The following SF3B1 variants were observed in gnomAD, a reference collection of about 807,000 sequenced individuals.
SF3B1 encodes the protein pre-mRNA processing 10.
Under a neutral mutation model 153.8 loss-of-function variants are expected in SF3B1, and 12 were observed. The observed-to-expected ratio is 0.08, with a 90% CI of 0.05 to 0.13. The LOEUF (loss-of-function observed/expected upper bound fraction) is 0.13, where lower values mean the gene tolerates loss of function less well. SF3B1 is among the 10% of genes least tolerant of loss of function. The pLI, the probability that SF3B1 is intolerant of heterozygous loss-of-function variation, is 1.00. For synonymous variants in SF3B1, 498 were observed against 525.2 expected, an observed-to-expected ratio of 0.95 and a Z score of 0.71; for missense variants, 513 against 1,606.1, an observed-to-expected ratio of 0.32 and a Z score of 11.63.
At chr2:197,430,213 G>A (rs564313815) in intron 1 of SF3B1, among the ~76,000 whole-genome samples, 2 of 152,298 alleles carry the variant, frequency 1.3e-5, no homozygotes, top group Non-Finnish European at 2.9e-5. Context: ...AAACAGAACA[G>A]TGACTAGATA....
chr2:197,407,880 G>C (rs535792389), intron 9 of SF3B1, 118 bp downstream of exon 9: 1 of 795,804 alleles, frequency 1.3e-6, no homozygotes, highest in African/African-American at 1.7e-5. Flanking sequence ...AAATAGCTAA[G>C]AGAATGGAAT....
At position 197,402,695 on chromosome 2, in the gene SF3B1, G is replaced by T. The variant is rs764390753; in HGVS notation, c.1938C>A (p.Pro646=). The change falls in exon 14 of 25, where the codon CCC becomes CCA. Residue 646 remains proline, a synonymous_variant. Transcript: ENST00000335508. This position sits in a 1 kb window ranked among gnomAD's most constrained non-coding sequence, Gnocchi z 4.6. ...TGCTTTTGCACACAGCTTTTAAGAAGGGCAATAAAGAAGGAATGCCCAGGG... is the reference window on the plus strand; with the variant it reads ...TGCTTTTGCACACAGCTTTTAAGAATGGCAATAAAGAAGGAATGCCCAGGG... ...ASALGIPSLL[P]FLKAVCKSKK... 6.2e-7 allele frequency: 1 copy of T among 1,614,030 alleles called. No individual in the cohort carries two copies. Among genetic ancestry groups the T allele is most frequent in the African/African-American group, 1.3e-5 (1 of 75,020 alleles).
At position 197,402,173 on chromosome 2, in the gene SF3B1, C is replaced by G. The variant is rs199954940; in HGVS notation, c.2078-43G>C. 6.4e-7 allele frequency: 1 copy of G among 1,562,358 alleles called. No homozygotes were observed. Among genetic ancestry groups the G allele is most frequent in the African/African-American group, 1.4e-5 (1 of 72,818 alleles). On this transcript the variant is annotated intron_variant, in intron 14 of 24. Coordinates refer to ENST00000335508, the MANE Select transcript of SF3B1 (RefSeq NM_012433.4). The surrounding 1 kb of genome is among the most constrained non-coding windows in gnomAD (Gnocchi z 4.6). Reference sequence around the variant, plus strand: ...GGTTTTAACTATGCCCCAACATTACCTAAGTTACACAATATCATCCAGATT... The same window carrying G: ...GGTTTTAACTATGCCCCAACATTACGTAAGTTACACAATATCATCCAGATT...
intron 1 of SF3B1, among the ~76,000 whole-genome samples, chr2:197,428,620 G>A (rs550303457): frequency 8.5e-5 from 13 of 152,102 alleles, no homozygotes; most frequent in African/African-American, 2.4e-4. Flanking sequence ...CTGGCTGAGC[G>A]CGGTGGCTCA....
At chr2:197,432,080 C>T (rs948379951) in intron 1 of SF3B1, among the ~76,000 whole-genome samples, 2 of 152,138 alleles carry the variant, frequency 1.3e-5, no homozygotes, top group African/African-American at 4.8e-5. Flanking sequence ...GCTATGATCA[C>T]GCCACTGCAC....
chr2:197,417,564 C>G (rs886762258), intron 5 of SF3B1, among the ~76,000 whole-genome samples: 1 of 144,670 alleles, frequency 6.9e-6, no homozygotes, highest in Non-Finnish European at 1.5e-5. Context: ...ATAACGAAAC[C>G]CCACCTCTAC....
In SF3B1 at chr2:197,396,337, A is replaced by C. The variant is rs1224924732; in HGVS notation, c.3267-9T>G. On this transcript the variant is annotated splice_polypyrimidine_tract_variant and intron_variant, in intron 22 of 24. Coordinates refer to ENST00000335508, the MANE Select transcript of SF3B1 (RefSeq NM_012433.4). ...CCAATACATCATGAGGGCTGAAAAA[A>C]ACAAATGGGTCAACAAGCTGTTACA... is the stretch of plus-strand genomic sequence containing the variant. The C allele has an allele frequency of 2.5e-6, 4 of 1,603,282 alleles. No individual in the cohort carries two copies. The highest frequency in any genetic ancestry group is 3.4e-6 in the Non-Finnish European group (4 of 1,173,352).
At chr2:197,418,735 C>T in intron 4 of SF3B1, 147 bp from the exon 5 acceptor site, 5 of 1,451,102 alleles carry the variant, frequency 3.4e-6, no homozygotes, top group Non-Finnish European at 4.5e-6. Context: ...AATTATACAT[C>T]TTACTTTTTA....
chr2:197,393,023 C>T lies in SF3B1; in HGVS notation c.3705G>A (p.Glu1235=), dbSNP rs1270184045. The T allele has an allele frequency of 6.2e-7, 1 of 1,613,498 alleles. No individual in the cohort carries two copies. The highest frequency in any genetic ancestry group is 2.2e-5 in the East Asian group (1 of 44,890). Residue 1235 remains glutamate (E), a synonymous_variant, in exon 24 of 25, where the codon GAG becomes GAA. Transcript: ENST00000335508. ...HVIQAVMGAL[E]GLRVAIGPCR... ...ATGGTCCAATAGCAACTCTCAGGCC[C>T]TCTAGGGCTCCCATAACTGCCTGAA... is the stretch of plus-strand genomic sequence containing the variant.
At chr2:197,421,394 T>C (rs922497021) in intron 2 of SF3B1, among the ~76,000 whole-genome samples, 1 of 152,214 alleles carries the variant, frequency 6.6e-6, no homozygotes, top group Non-Finnish European at 1.5e-5. Flanking sequence ...AAAGTAGGTA[T>C]GGACTAGAAA....
chr2:197,430,008 T>C (rs923883470), intron 1 of SF3B1, among the ~76,000 whole-genome samples: 2 of 152,106 alleles, frequency 1.3e-5, no homozygotes, highest in African/African-American at 2.4e-5. Flanking sequence ...ACAAAGGTTC[T>C]GCAACAAATG....
intron 1 of SF3B1, among the ~76,000 whole-genome samples, chr2:197,426,671 A>G (rs931331124): frequency 6.6e-6 from 1 of 152,098 alleles, no homozygotes; most frequent in African/African-American, 2.4e-5. Flanking sequence ...CAAAGGTAGA[A>G]CCTTAGGTCT....
chr2:197,401,958 A>T lies in SF3B1; in HGVS notation c.2223+27T>A. On this transcript the variant is annotated intron_variant, in intron 15 of 24. Coordinates refer to ENST00000335508, the MANE Select transcript of SF3B1 (RefSeq NM_012433.4). This position sits in a 1 kb window ranked among gnomAD's most constrained non-coding sequence, Gnocchi z 4.2. Reference sequence around the variant, plus strand: ...ATGTCGCCTTAACTTTAATGAAGATAAATCAAAAGGTAATTGGTGGATTTA... The same window carrying T: ...ATGTCGCCTTAACTTTAATGAAGATTAATCAAAAGGTAATTGGTGGATTTA... 6.2e-7 allele frequency: 1 copy of T among 1,604,934 alleles called. No homozygotes were observed. Among genetic ancestry groups the T allele is most frequent in the Non-Finnish European group, 8.5e-7 (1 of 1,177,628 alleles).
intron 6 of SF3B1, among the ~76,000 whole-genome samples, chr2:197,416,416 A>C (rs902319874): frequency 6.6e-6 from 1 of 151,982 alleles, no homozygotes; most frequent in Non-Finnish European, 1.5e-5. Context: ...GCCTTTAGGG[A>C]GGTAAATTAA....
chr2:197,408,283 CATT>C, intron 8 of SF3B1, 83 bp downstream of exon 8: 7 of 1,363,438 alleles, frequency 5.1e-6, no homozygotes, highest in Non-Finnish European at 7.1e-6. Context: ...TAGAAGTTGA[CATT>C]AATAGTACAC....
chr2:197,433,752 C>T (rs559228780), intron 1 of SF3B1, among the ~76,000 whole-genome samples: 2 of 152,312 alleles, frequency 1.3e-5, no homozygotes, highest in East Asian at 3.9e-4. Context: ...TCTCTACTTG[C>T]ACCCTCTGTT....
intron 9 of SF3B1, 133 bp downstream of exon 9, chr2:197,407,865 C>G: frequency 1.4e-6 from 1 of 714,568 alleles, no homozygotes. Flanking sequence ...CTGAAATATA[C>G]CTGGAAATAG....
chr2:197,409,675 T>C (rs1217471518), intron 7 of SF3B1, 95 bp downstream of exon 7: 10 of 960,180 alleles, frequency 1.0e-5, no homozygotes, highest in Admixed American at 1.9e-5. Flanking sequence ...GCTGGTTATT[T>C]ATACGTGTCC....
At chr2:197,416,667 C>A (rs2085152785) in intron 6 of SF3B1, 74 bp downstream of exon 6, 1 of 1,328,058 alleles carries the variant, frequency 7.5e-7, no homozygotes, top group South Asian at 1.5e-5. Flanking sequence ...GCTATGGCAA[C>A]CCAAGCAGAC....
Sources: allele counts gnomAD v4.1 joint callset (sites outside exome capture counted in the v4.1 genomes callset), GRCh38; gene constraint gnomAD v4.1.1; non-coding constraint Gnocchi (gnomAD v3.1); transcripts MANE v1.5; gene names NCBI Gene and HGNC (gene_info 2026-07-23, HGNC 2026-07-21).